The following MYH2 variants were observed in gnomAD, a reference collection of about 807,000 sequenced individuals.
MYH2 encodes myosin heavy chain 2, also known as myosin-2.
In MYH2, 139 loss-of-function variants were observed where a neutral mutation model predicts 228.1. The observed-to-expected ratio is 0.61, with a 90% CI of 0.53 to 0.70. MYH2 has a LOEUF of 0.70. Among genes scored for constraint, MYH2 ranks in the 30% least tolerant of loss-of-function variants. The pLI, the probability that MYH2 is intolerant of heterozygous loss-of-function variation, is 0.00. For synonymous variants in MYH2, 796 were observed against 871.1 expected (o/e 0.91, Z 1.52); for missense variants, 1,809 against 2,357.5 (o/e 0.77, Z 4.82).
At chr17:10,535,859 T>C (rs906696714) in intron 17 of MYH2, among the ~76,000 whole-genome samples, 9 of 152,148 alleles carry the variant, frequency 5.9e-5, no homozygotes, top group African/African-American at 1.9e-4. Flanking sequence ...TAATTGAAAA[T>C]TGACTCGATT....
intron 5 of MYH2, among the ~76,000 whole-genome samples, chr17:10,544,598 A>G (rs540820268): frequency 6.6e-6 from 1 of 152,234 alleles, no homozygotes; most frequent in Non-Finnish European, 1.5e-5. Flanking sequence ...GATATTTTTA[A>G]TGTGTGAAAA....
intron 5 of MYH2, among the ~76,000 whole-genome samples, chr17:10,544,755 G>C (rs1205812954): frequency 6.6e-6 from 1 of 152,150 alleles, no homozygotes; most frequent in African/African-American, 2.4e-5. Context: ...AGTTTAGATT[G>C]GTCTAGCCAA....
Position 10,547,851 on chromosome 17 carries a change from G to T in MYH2, c.70C>A (p.Arg24Ser). Residue 24 changes from arginine (R) to serine (S), a missense_variant, in exon 3 of 40, where the codon CGC becomes AGC. Physicochemically the swap from Arg to Ser is moderately radical, Grantham distance 110. Transcript: ENST00000245503. ...AAGGGCCTATTCTGGGCCTCAATGCGCTCCCTTTCAGACTTTCGGAGGAAA... is the reference window on the plus strand; with the variant it reads ...AAGGGCCTATTCTGGGCCTCAATGCTCTCCCTTTCAGACTTTCGGAGGAAA... ...APFLRKSERE[R>S]IEAQNRPFDA... 6.2e-7 allele frequency: 1 copy of T among 1,614,074 alleles called. No homozygotes were observed. The highest frequency in any genetic ancestry group is 1.7e-5 in the Admixed American group (1 of 60,000).
chr17:10,548,731 G>T (rs987526927), intron 2 of MYH2, among the ~76,000 whole-genome samples: 5 of 152,126 alleles, frequency 3.3e-5, no homozygotes, highest in Non-Finnish European at 7.4e-5. Flanking sequence ...TTTGAAGCAT[G>T]CAGGCCCTGT....
chr17:10,540,180 G>T, intron 11 of MYH2, 114 bp from the exon 12 acceptor site: 1 of 1,410,676 alleles, frequency 7.1e-7, no homozygotes, highest in Non-Finnish European at 1.0e-6. Flanking sequence ...GGGAGACAAG[G>T]AACCCCTTAG....
chr17:10,530,003 G>T lies in MYH2; in HGVS notation c.2769C>A (p.Ala923=). The T allele has an allele frequency of 6.2e-7, 1 of 1,613,918 alleles. No individual in the cohort carries two copies. The change falls in exon 23 of 40, where the codon GCC becomes GCA. Residue 923 remains alanine, a synonymous_variant. Coordinates refer to ENST00000245503, the MANE Select transcript of MYH2 (RefSeq NM_017534.6). ...CTCTCTCAGTCACCTCTTTGATTTT[G>T]GCTTCTAGCTGGATTTTGGTTTTGA... ...QLIKTKIQLE[A]KIKEVTERAE...
At position 10,523,319 on chromosome 17, in the gene MYH2, G is replaced by A. The variant is rs1488236141; in HGVS notation, c.5566C>T (p.Leu1856Phe). Residue 1856 changes from leucine (L) to phenylalanine (F), a missense_variant, in exon 38 of 40, where the codon CTC (leucine) becomes TTC (phenylalanine). Physicochemically the swap from Leu to Phe is conservative, Grantham distance 22. Coordinates refer to ENST00000245503, the MANE Select transcript of MYH2 (RefSeq NM_017534.6). Reference protein sequence around the residue: ...LRKHERRVKELTYQTEEDRKN... With the variant: ...LRKHERRVKEFTYQTEEDRKN... The stretch of plus-strand genomic sequence containing the variant: ...ACTACTGGCTGTACCTGGTAAGTGA[G>A]TTCCTTCACTCGCCTCTCATGTTTG... The A allele has an allele frequency of 8.1e-6, 13 of 1,614,192 alleles. No homozygotes were observed. The highest frequency in any genetic ancestry group is 1.0e-5 in the Non-Finnish European group (12 of 1,180,026).
rs2073656792 is a variant in MYH2, at chr17:10,547,947, G to C, written c.-20-7C>G. On this transcript the variant is annotated splice_polypyrimidine_tract_variant and splice_region_variant and intron_variant, in intron 2 of 39. Coordinates refer to ENST00000245503, the MANE Select transcript of MYH2 (RefSeq NM_017534.6). ...GCTGCTGAACTCAGAGGTCCTAAAG[G>C]AGATAAAACTTTCACATTAGAGAGT... The C allele has an allele frequency of 1.9e-6, 3 of 1,610,314 alleles. No homozygotes were observed. The highest frequency in any genetic ancestry group is 1.1e-5 in the South Asian group (1 of 90,942).
At chr17:10,532,109 A>G (rs2073432037) in intron 21 of MYH2, among the ~76,000 whole-genome samples, 2 of 152,188 alleles carry the variant, frequency 1.3e-5, no homozygotes, top group Admixed American at 1.3e-4. Flanking sequence ...AATCACCTGA[A>G]GGGCTTGTTA....
intron 17 of MYH2, 38 bp downstream of exon 17, chr17:10,536,492 A>G (rs762340268): frequency 1.9e-6 from 3 of 1,580,190 alleles, no homozygotes; most frequent in Non-Finnish European, 2.6e-6. Flanking sequence ...AAAAATCCCA[A>G]AGTAATTGGA....
In MYH2 at chr17:10,537,671, G is replaced by A. The variant is rs1050588952; in HGVS notation, c.1581C>T (p.Ile527=). 10 of 1,614,082 alleles carry A rather than the reference G, an allele frequency of 6.2e-6. No individual in the cohort carries two copies. Among genetic ancestry groups the A allele is most frequent in the East Asian group, 4.5e-5 (2 of 44,884 alleles). The change falls in exon 15 of 40, where the codon ATC becomes ATT. Residue 527 remains isoleucine (I), a synonymous_variant. Transcript: ENST00000245503. The surrounding 1 kb of genome is among the most constrained non-coding windows in gnomAD (Gnocchi z 4.0). The stretch of plus-strand genomic sequence containing the variant: ...TCAGAAATGCAAAACCAACCTTCTC[G>A]ATGAGCTCGATGCAGGCAGCCAGGT... ...GMDLAACIEL[I]EKPMGIFSIL... is the part of the protein sequence containing the mutation.
chr17:10,536,429 TA>T, intron 17 of MYH2, 100 bp downstream of exon 17: 1 of 966,196 alleles, frequency 1.0e-6, no homozygotes, highest in Non-Finnish European at 1.6e-6. Flanking sequence ...TATGAATAGA[TA>T]AATATATCCT....
rs1395335208 is a variant in MYH2 at position 10,537,417 on chromosome 17, C to T, written c.1713G>A (p.Val571=). ...GKSANFQKPK[V]VKGKAEAHFA... The stretch of plus-strand genomic sequence containing the variant: ...AGTGGGCCTCGGCCTTGCCTTTGAC[C>T]ACCTTGGGCTTCTGGAAGTTGGCAG... The change falls in exon 16 of 40, where the codon GTG becomes GTA. Residue 571 remains valine, a synonymous_variant. Coordinates refer to ENST00000245503, the MANE Select transcript of MYH2 (RefSeq NM_017534.6). This position sits in a 1 kb window ranked among gnomAD's most constrained non-coding sequence, Gnocchi z 4.0. 6.2e-7 allele frequency: 1 copy of T among 1,614,166 alleles called. No individual in the cohort carries two copies.
rs925211729 is a variant in MYH2, at chr17:10,526,931, T to A, written c.3990+7A>T. 1 of 1,613,652 alleles carries A rather than the reference T, an allele frequency of 6.2e-7. No homozygotes were observed. Among genetic ancestry groups the A allele is most frequent in the African/African-American group, 1.3e-5 (1 of 75,062 alleles). ...AGGGAAAAAATCAGTCTTAGAATCA[T>A]AATTACTTTTATCTCCTCTTCAAGT... is the stretch of plus-strand genomic sequence containing the variant. On this transcript the variant is annotated splice_region_variant and intron_variant, in intron 29 of 39. Transcript: ENST00000245503.
rs764627561 is a variant in MYH2, at chr17:10,539,501, G to A, written c.1209C>T (p.Cys403=). ...LNSADLLKAL[C]YPRVKVGNEY... ...CATTGCCGACCTTGACCCTGGGGTAGCAGAGAGCTTTGAGCAGATCTGCAG... is the reference window on the plus strand; with the variant it reads ...CATTGCCGACCTTGACCCTGGGGTAACAGAGAGCTTTGAGCAGATCTGCAG... The change falls in exon 13 of 40, where the codon TGC becomes TGT. Residue 403 remains cysteine (C), a synonymous_variant. Coordinates refer to ENST00000245503, the MANE Select transcript of MYH2 (RefSeq NM_017534.6). 6.2e-7 allele frequency: 1 copy of A among 1,614,228 alleles called. No homozygotes were observed. The highest frequency in any genetic ancestry group is 1.1e-5 in the South Asian group (1 of 91,082).
chr17:10,535,303 G>T lies in MYH2; in HGVS notation c.2037C>A (p.Ile679=), dbSNP rs1381002591. The T allele has an allele frequency of 6.2e-7, 1 of 1,614,044 alleles. No individual in the cohort carries two copies. Among genetic ancestry groups the T allele is most frequent in the Non-Finnish European group, 8.5e-7 (1 of 1,180,034 alleles). The change falls in exon 18 of 40, where the codon ATC becomes ATA. Residue 679 remains isoleucine, a synonymous_variant. Transcript: ENST00000245503. ...CAGGAGTTTTTGTCTCATTGGGGAT[G>T]ATACACCTCACAAAGTGAGGATGGG... ...RSTHPHFVRC[I]IPNETKTPGA... is the part of the protein sequence containing the mutation.
chr17:10,529,433 T>C lies in MYH2; in HGVS notation c.3166A>G (p.Arg1056Gly). 6.2e-7 allele frequency: 1 copy of C among 1,614,208 alleles called. No homozygotes were observed. Among genetic ancestry groups the C allele is most frequent in the South Asian group, 1.1e-5 (1 of 91,076 alleles). ...TCACCCTCAAGTTTCCTCTTAGCCCTTTCTAGGTCCATGCGAAGTTTCTTT... is the reference window on the plus strand; with the variant it reads ...TCACCCTCAAGTTTCCTCTTAGCCCCTTCTAGGTCCATGCGAAGTTTCTTT... ...QEKKLRMDLE[R>G]AKRKLEGDLK... The change falls in exon 25 of 40, where the codon AGG becomes GGG. Residue 1056 changes from arginine to glycine, a missense_variant. This residue lies in a region of MYH2 where 636 missense variants were observed against 729.9 expected (regional missense o/e 0.87). Coordinates refer to ENST00000245503, the MANE Select transcript of MYH2 (RefSeq NM_017534.6).
rs2277652 is a variant in MYH2, at chr17:10,529,532, G to A, written c.3117+32C>T. 95,726 of 1,614,102 alleles carry A rather than the reference G, an allele frequency of 0.059. 3,266 individuals carry two copies. Among genetic ancestry groups the A allele is most frequent in the South Asian group, 0.11 (10,113 of 91,064 alleles). On this transcript the variant is annotated intron_variant, in intron 24 of 39. Coordinates refer to ENST00000245503, the MANE Select transcript of MYH2 (RefSeq NM_017534.6). ...AAGGAATGCTTATCTTCCTTTAGAA[G>A]AAAAGAATGTCCTTGATGATACCAG...
intron 4 of MYH2, among the ~76,000 whole-genome samples, chr17:10,546,418 C>T (rs943445519): frequency 4.0e-5 from 6 of 151,568 alleles, no homozygotes; most frequent in Non-Finnish European, 8.8e-5. Flanking sequence ...AGCTAAATAA[C>T]AGCACTGGCT....
Sources: gnomAD v4.1 joint callset for allele counts (sites outside exome capture counted in the v4.1 genomes callset) on GRCh38, gnomAD v4.1.1 for gene constraint, gnomAD v4.1.1 regional missense constraint, Gnocchi (gnomAD v3.1) non-coding constraint, MANE v1.5 for transcripts, NCBI Gene and HGNC (gene_info 2026-07-23, HGNC 2026-07-21) for gene names.